CILK1: variants seen among roughly 807,000 people sequenced by gnomAD.
CILK1 encodes ciliogenesis associated kinase 1, also known as serine/threonine-protein kinase ICK.
CILK1 carries 47 observed loss-of-function variants against 79.2 expected under a neutral mutation model. The observed-to-expected ratio is 0.59, with a 90% CI of 0.47 to 0.76. The LOEUF is 0.76. Ranked by LOEUF, CILK1 falls within the 30% of genes least tolerant of loss-of-function variation. The probability of loss-of-function intolerance (pLI) is 0.00; values close to 1 mark genes in which losing one functional copy is unlikely to be tolerated. For missense variants in CILK1, 660 were observed against 769.5 expected, an observed-to-expected ratio of 0.86 and a Z score of 1.68; for synonymous variants, 266 against 275.9, an observed-to-expected ratio of 0.96 and a Z score of 0.36.
intron 11 of CILK1, 74 bp downstream of exon 11, chr6:53,011,694 AC>A (rs1209293136): frequency 4.3e-6 from 6 of 1,403,672 alleles, no homozygotes; most frequent in Non-Finnish European, 6.1e-6. Context: ...CTAAAACAGA[AC>A]CTTTGTGAAT....
intron 1 of CILK1, among the ~76,000 whole-genome samples, chr6:53,046,578 C>T (rs994190588): frequency 1.5e-4 from 23 of 152,184 alleles, no homozygotes; most frequent in Admixed American, 1.2e-3. Flanking sequence ...AGATATGACT[C>T]TCACCATACC....
At chr6:53,026,032 C>T (rs1765549580) in intron 5 of CILK1, among the ~76,000 whole-genome samples, 1 of 152,198 alleles carries the variant, frequency 6.6e-6, no homozygotes, top group Admixed American at 6.5e-5. Flanking sequence ...TACTCACTGG[C>T]TGAAAAGTAC....
At chr6:53,038,300 C>T (rs1216387857) in intron 2 of CILK1, among the ~76,000 whole-genome samples, 1 of 152,186 alleles carries the variant, frequency 6.6e-6, no homozygotes, top group Admixed American at 6.5e-5. Context: ...TCTATTTAGA[C>T]CAGAGCTGTC....
intron 1 of CILK1, among the ~76,000 whole-genome samples, chr6:53,048,645 C>T (rs374484962): frequency 2.2e-5 from 3 of 137,656 alleles, no homozygotes; most frequent in Non-Finnish European, 3.1e-5. Flanking sequence ...GAAAATAGGG[C>T]GATGGACAAT....
intron 2 of CILK1, 79 bp downstream of exon 2, chr6:53,041,057 C>A: frequency 1.1e-6 from 1 of 950,736 alleles, no homozygotes; most frequent in Non-Finnish European, 1.7e-6. Context: ...CCTACCCACT[C>A]CCCTTTAGAA....
chr6:53,037,361 T>C (rs1237691764), intron 3 of CILK1, among the ~76,000 whole-genome samples: 1 of 147,282 alleles, frequency 6.8e-6, no homozygotes, highest in Non-Finnish European at 1.5e-5. Flanking sequence ...TAAAGATCGG[T>C]GCTCCACAAT....
At chr6:53,019,088 A>T (rs1275962361) in intron 6 of CILK1, 139 bp downstream of exon 6, 4 of 784,266 alleles carry the variant, frequency 5.1e-6, no homozygotes, top group Non-Finnish European at 8.2e-6. Flanking sequence ...CATTACCAAC[A>T]TATCTATAAA....
At chr6:53,017,246 G>C (rs1275108639) in intron 7 of CILK1, among the ~76,000 whole-genome samples, 1 of 152,198 alleles carries the variant, frequency 6.6e-6, no homozygotes, top group Non-Finnish European at 1.5e-5. Context: ...CAGCAATGGT[G>C]CTGGGACCTG....
At chr6:53,025,370 T>C (rs1765508771) in intron 5 of CILK1, among the ~76,000 whole-genome samples, 1 of 152,140 alleles carries the variant, frequency 6.6e-6, no homozygotes, top group Non-Finnish European at 1.5e-5. Context: ...GCTCAGTTCT[T>C]CCTATCATCA....
intron 3 of CILK1, among the ~76,000 whole-genome samples, chr6:53,033,583 C>T (rs1766113064): frequency 6.6e-6 from 1 of 152,152 alleles, no homozygotes; most frequent in South Asian, 2.1e-4. Flanking sequence ...CTCCAAGTGT[C>T]ACTTTGGCCA....
intron 1 of CILK1, among the ~76,000 whole-genome samples, chr6:53,043,455 C>G (rs957467898): frequency 6.6e-6 from 1 of 152,060 alleles, no homozygotes; most frequent in Non-Finnish European, 1.5e-5. Flanking sequence ...ATCACAGAAT[C>G]AAACAAGCTT....
At chr6:53,028,146 C>CAAA (rs59053012) in intron 5 of CILK1, among the ~76,000 whole-genome samples, 76 of 63,428 alleles carry the variant, frequency 1.2e-3, no homozygotes, top group African/African-American at 3.2e-3. Flanking sequence ...GACTCCGTCT[C>CAAA]AAAAAAAAAA....
At chr6:53,028,710 T>C (rs1765735495) in intron 5 of CILK1, among the ~76,000 whole-genome samples, 1 of 152,184 alleles carries the variant, frequency 6.6e-6, no homozygotes, top group African/African-American at 2.4e-5. Flanking sequence ...GAGCCTTCCC[T>C]GGTACCTTGT....
At chr6:53,021,804 A>G (rs1447362942) in intron 5 of CILK1, among the ~76,000 whole-genome samples, 1 of 152,020 alleles carries the variant, frequency 6.6e-6, no homozygotes, top group Non-Finnish European at 1.5e-5. Context: ...ACTAAAAAAA[A>G]AAAAAAAGTT....
chr6:53,051,303 A>G (rs1001963076), intron 1 of CILK1, among the ~76,000 whole-genome samples: 1 of 152,246 alleles, frequency 6.6e-6, no homozygotes, highest in African/African-American at 2.4e-5. Context: ...CTTGTCAGTT[A>G]TATTAATTTC....
rs1764132375 is a variant in CILK1 at position 53,004,972 on chromosome 6, C to T, written c.*177G>A. The T allele has an allele frequency of 1.6e-6, 1 of 642,460 alleles. No homozygotes were observed. 39.8% of individuals were successfully genotyped at this position (642,460 alleles called of 1,614,324 possible). On this transcript the variant is annotated 3_prime_UTR_variant, in exon 14 of 14. Transcript: ENST00000676107. ...ACAAAAAAGCCTACTGCATTCAAAT[C>T]AATATTTTAAAAAAAAACTTTAAAA...
Position 53,001,533 on chromosome 6 carries a change from T to C in CILK1, c.*3616A>G, listed in dbSNP as rs75183762. 43 of 152,798 alleles carry C rather than the reference T, an allele frequency of 2.8e-4. No homozygotes were observed. The East Asian group carries it at 8.1e-3, about 29-fold the overall frequency. The allele number at this position is 152,798 out of a possible 1,614,324, so 9.5% of individuals were successfully genotyped here. On this transcript the variant is annotated 3_prime_UTR_variant, in exon 14 of 14. Transcript: ENST00000676107. Reference sequence around the variant, plus strand: ...AAATCAGCTGACTAATTGCTATCTGTACTGAGTTATCTGAGATCAGAAGAC... The same window carrying C: ...AAATCAGCTGACTAATTGCTATCTGCACTGAGTTATCTGAGATCAGAAGAC...
At chr6:53,043,070 C>T (rs1237460660) in intron 1 of CILK1, among the ~76,000 whole-genome samples, 1 of 152,124 alleles carries the variant, frequency 6.6e-6, no homozygotes, top group South Asian at 2.1e-4. Context: ...AATCCCAGCA[C>T]TCTGGGAGGC....
chr6:53,045,284 C>A (rs966942273), intron 1 of CILK1, among the ~76,000 whole-genome samples: 9 of 152,180 alleles, frequency 5.9e-5, no homozygotes, highest in Admixed American at 2.6e-4. Context: ...ACAGCACAAG[C>A]AATTTTGGCT....
Sources: allele counts gnomAD v4.1 joint callset (sites outside exome capture counted in the v4.1 genomes callset), GRCh38; gene constraint gnomAD v4.1.1; transcripts MANE v1.5; gene names NCBI Gene and HGNC (gene_info 2026-07-23, HGNC 2026-07-21).